GLIS3: variants seen among roughly 807,000 people sequenced by gnomAD.
GLIS3 encodes the protein zinc finger protein GLIS3.
Under a neutral mutation model 78.6 loss-of-function variants are expected in GLIS3, and 53 were observed. That is an observed-to-expected ratio of 0.67 (90% CI 0.54 to 0.85). The LOEUF (loss-of-function observed/expected upper bound fraction) is 0.85, where lower values mean the gene tolerates loss of function less well. Among genes scored for constraint, GLIS3 ranks in the 40% least tolerant of loss-of-function variants. The pLI is 0.00. For synonymous variants in GLIS3, 684 were observed against 509.9 expected (o/e 1.34, Z -4.60); for missense variants, 1,703 against 1,231.1 (o/e 1.38, Z -5.74).
At chr9:4,390,066 A>C in the GLIS3 span, among the ~76,000 whole-genome samples, 1 of 152,238 alleles carries the variant, frequency 6.6e-6, no homozygotes, top group African/African-American at 2.4e-5. Flanking sequence ...ACTAATAAAA[A>C]ATTTCTGGCA....
chr9:4,094,103 G>A (rs1829745769), intron 4 of GLIS3, among the ~76,000 whole-genome samples: 1 of 152,146 alleles, frequency 6.6e-6, no homozygotes, highest in African/African-American at 2.4e-5. Context: ...TTAAGCACGT[G>A]AAAATCTCAA....
intron 2 of GLIS3, among the ~76,000 whole-genome samples, chr9:4,316,370 T>TTA (rs1817436828): frequency 6.6e-6 from 1 of 152,232 alleles, no homozygotes; most frequent in Admixed American, 6.5e-5. Context: ...TGGACTGACT[T>TTA]TATTGCAAGT....
chr9:4,262,992 C>G (rs1424664116), intron 2 of GLIS3, among the ~76,000 whole-genome samples: 1 of 151,430 alleles, frequency 6.6e-6, no homozygotes, highest in Admixed American at 6.6e-5. Flanking sequence ...TGTGGCACCC[C>G]AGGGTGCCTT....
chr9:4,379,130 C>T, the GLIS3 span, among the ~76,000 whole-genome samples: 14 of 152,146 alleles, frequency 9.2e-5, no homozygotes, highest in South Asian at 2.1e-4. Context: ...TGTAGGAAGG[C>T]GGATATGTTG....
Position 3,828,263 on chromosome 9 carries a change from A to G in GLIS3, c.*9T>C. 6.2e-7 allele frequency: 1 copy of G among 1,614,076 alleles called. No homozygotes were observed. On this transcript the variant is annotated 3_prime_UTR_variant, in exon 11 of 11. Transcript: ENST00000381971. ...GGTCCTGGGTGTGCAGGAGTGGCCA[A>G]GAGAGCTTTTAGCCTTCGGTGTAGA... is the stretch of plus-strand genomic sequence containing the variant.
At chr9:3,904,400 C>T (rs1267928207) in intron 6 of GLIS3, among the ~76,000 whole-genome samples, 1 of 152,144 alleles carries the variant, frequency 6.6e-6, no homozygotes. Flanking sequence ...TTCGGCCTGC[C>T]CTACAAATTT....
At chr9:3,918,887 T>A (rs1485850320) in intron 6 of GLIS3, among the ~76,000 whole-genome samples, 2 of 152,210 alleles carry the variant, frequency 1.3e-5, no homozygotes, top group Admixed American at 6.5e-5. Flanking sequence ...ATGACCAATG[T>A]TCACCAACCA....
chr9:4,180,239 G>C (rs148528778), intron 2 of GLIS3, among the ~76,000 whole-genome samples: 7 of 152,110 alleles, frequency 4.6e-5, no homozygotes. Flanking sequence ...GTATGGGACA[G>C]TTTCCCACCG....
chr9:3,951,781 T>G lies in GLIS3; in HGVS notation c.1711-14592A>C, dbSNP rs76266666. ...AAATCAAATTCAAACTTGAAATGACTGAGATGGAAAAGCAACCTCAACAGG... is the reference window on the plus strand; with the variant it reads ...AAATCAAATTCAAACTTGAAATGACGGAGATGGAAAAGCAACCTCAACAGG... On this transcript the variant is annotated intron_variant, in intron 4 of 10. Coordinates refer to ENST00000381971, the MANE Select transcript of GLIS3 (RefSeq NM_001042413.2). 2.2e-3 allele frequency among the ~76,000 whole-genome samples: 319 copies of G among 146,332 alleles called. 2 individuals are homozygous for G. Among genetic ancestry groups the G allele is most frequent in the African/African-American group, 7.7e-3 (302 of 39,178 alleles).
chr9:4,377,156 G>C, the GLIS3 span, among the ~76,000 whole-genome samples: 2 of 135,320 alleles, frequency 1.5e-5, 1 homozygote, highest in Non-Finnish European at 3.3e-5. Flanking sequence ...GTCTGTGAGG[G>C]TGTTGCCAGA....
intron 4 of GLIS3, among the ~76,000 whole-genome samples, chr9:3,949,746 A>G (rs1588294299): frequency 1.3e-5 from 2 of 152,310 alleles, no homozygotes; most frequent in African/African-American, 2.4e-5. Context: ...TAATAAATCA[A>G]TGGAATATTT....
At chr9:4,466,739 T>A in the GLIS3 span, among the ~76,000 whole-genome samples, 1 of 152,192 alleles carries the variant, frequency 6.6e-6, no homozygotes, top group East Asian at 1.9e-4. Context: ...ATGGGTGATT[T>A]CTGCATTTCC....
intron 2 of GLIS3, chr9:4,310,547 C>G (rs1353639458): frequency 6.6e-6 from 1 of 152,238 alleles, no homozygotes; most frequent in East Asian, 1.9e-4. Context: ...CAAATACATC[C>G]ATTAGTTTCA....
chr9:4,235,201 A>C (rs930283550), intron 2 of GLIS3, among the ~76,000 whole-genome samples: 1 of 151,010 alleles, frequency 6.6e-6, no homozygotes, highest in Non-Finnish European at 1.5e-5. Flanking sequence ...CCGGAGGCTG[A>C]GGCAGGAGAA....
At chr9:3,843,915 C>T (rs770696684) in intron 9 of GLIS3, among the ~76,000 whole-genome samples, 4 of 152,004 alleles carry the variant, frequency 2.6e-5, no homozygotes, top group East Asian at 1.9e-4. Flanking sequence ...GAAAAAATAC[C>T]GAAATGTTTT....
At chr9:3,967,997 T>G (rs1818087153) in intron 4 of GLIS3, among the ~76,000 whole-genome samples, 1 of 152,222 alleles carries the variant, frequency 6.6e-6, no homozygotes, top group Non-Finnish European at 1.5e-5. Context: ...TGGAATTACA[T>G]TTTCCATTAA....
At chr9:4,436,418 T>G in the GLIS3 span, among the ~76,000 whole-genome samples, 1 of 152,132 alleles carries the variant, frequency 6.6e-6, no homozygotes, top group Non-Finnish European at 1.5e-5. Flanking sequence ...CCCTCCAAAG[T>G]GAATTCAATC....
the GLIS3 span, among the ~76,000 whole-genome samples, chr9:4,461,229 G>C: frequency 1.3e-5 from 2 of 152,158 alleles, no homozygotes; most frequent in Non-Finnish European, 2.9e-5. Flanking sequence ...ATTCTCATTT[G>C]TGTTTACTTC....
intron 4 of GLIS3, among the ~76,000 whole-genome samples, chr9:4,069,446 T>C (rs1827400795): frequency 6.6e-6 from 1 of 152,182 alleles, no homozygotes; most frequent in African/African-American, 2.4e-5. Context: ...CATTAATACA[T>C]TTAAAAAGTA....
Sources: gnomAD v4.1 joint callset for allele counts (sites outside exome capture counted in the v4.1 genomes callset) on GRCh38, gnomAD v4.1.1 for gene constraint, MANE v1.5 for transcripts, NCBI Gene and HGNC (gene_info 2026-07-23, HGNC 2026-07-21) for gene names.